The following PTGIS variants were observed in gnomAD, a reference collection of about 807,000 sequenced individuals.
PTGIS encodes the protein prostaglandin I2 synthase, also known as prostacyclin synthase.
In PTGIS, 45 loss-of-function variants were observed where a neutral mutation model predicts 50.3. That is an observed-to-expected ratio of 0.90 (90% confidence interval 0.70 to 1.15). The LOEUF is 1.15. PTGIS is among the 50% of genes most tolerant of loss of function. The pLI, the probability that PTGIS is intolerant of heterozygous loss-of-function variation, is 0.00. For missense variants in PTGIS, 668 were observed against 661.3 expected, an observed-to-expected ratio of 1.01 and a Z score of -0.11; for synonymous variants, 260 against 267.7, an observed-to-expected ratio of 0.97 and a Z score of 0.28.
At chr20:49,511,697 G>A (rs1044600001) in intron 8 of PTGIS, among the ~76,000 whole-genome samples, 1 of 152,176 alleles carries the variant, frequency 6.6e-6, no homozygotes. Context: ...TGGTTACACT[G>A]CACAGTGGTA....
rs142630745 is a variant in PTGIS at position 49,550,187 on chromosome 20, C to T, written c.77G>A (p.Arg26Gln). ...CAGGTCCAGGGGAGGCTCACCAGGT[C>T]GCCTACAGAAGCCATGGCACTTGTC... The part of the protein sequence containing the change: ...LLLLSRRRTR[R>Q]PGEPPLDLGS... Residue 26 changes from arginine to glutamine, a missense_variant and splice_region_variant, in exon 2 of 10, where the codon CGA becomes CAA. By Grantham distance (43) the Arg-to-Gln change is conservative. Coordinates refer to ENST00000244043, the MANE Select transcript of PTGIS (RefSeq NM_000961.4). 6.0e-5 allele frequency: 97 copies of T among 1,612,584 alleles called. No individual in the cohort carries two copies. Among genetic ancestry groups the T allele is most frequent in the Non-Finnish European group, 5.8e-5 (68 of 1,180,000 alleles).
intron 5 of PTGIS, among the ~76,000 whole-genome samples, chr20:49,530,008 G>T (rs1238169623): frequency 6.6e-6 from 1 of 152,058 alleles, no homozygotes; most frequent in Non-Finnish European, 1.5e-5. Flanking sequence ...TACAAAATTA[G>T]CTGGGTGTGG....
Position 49,539,651 on chromosome 20 carries a change from C to CG in PTGIS, c.591dup (p.Val198ArgfsTer5). 6.2e-7 allele frequency: 1 copy of CG among 1,613,916 alleles called. No homozygotes were observed. The highest frequency in any genetic ancestry group is 8.5e-7 in the Non-Finnish European group (1 of 1,179,970). On this transcript the variant is annotated frameshift_variant, in exon 5 of 10. Transcript: ENST00000244043. LOFTEE classifies it high-confidence loss of function. ...GTGTGGAAGACATCAGCTGAGTGGACGCGGTCCTGGGCCTGGCTTTCATGG... is the reference window on the plus strand; with the variant it reads ...GTGTGGAAGACATCAGCTGAGTGGACGGCGGTCCTGGGCCTGGCTTTCATGG...
intron 5 of PTGIS, among the ~76,000 whole-genome samples, chr20:49,536,533 T>C (rs1180229106): frequency 1.4e-5 from 2 of 143,438 alleles, no homozygotes; most frequent in East Asian, 4.1e-4. Context: ...CAGGCTGGAG[T>C]GCAGTGGCAC....
intron 8 of PTGIS, among the ~76,000 whole-genome samples, chr20:49,512,085 TTGAA>T (rs1284404215): frequency 6.9e-6 from 1 of 144,904 alleles, no homozygotes. Context: ...GAGTAGATGA[TTGAA>T]TGGACAGACG....
chr20:49,514,298 C>G lies in PTGIS; in HGVS notation c.953G>C (p.Trp318Ser). The G allele has an allele frequency of 1.2e-6, 2 of 1,614,132 alleles. No individual in the cohort carries two copies. The highest frequency in any genetic ancestry group is 1.7e-6 in the Non-Finnish European group (2 of 1,180,042). ...AVRGELESIL[W>S]QAEQPVSQTT... ...CTGCGAGACAGGCTGCTCCGCTTGC[C>G]AAAGGATACTCTCGAGCTCTCCGCG... The change falls in exon 7 of 10, where the codon TGG (tryptophan) becomes TCG (serine). Residue 318 changes from tryptophan to serine, a missense_variant. Transcript: ENST00000244043.
Position 49,557,832 on chromosome 20 carries a change from A to T in PTGIS, c.75-7643T>A, listed in dbSNP as rs888705554. ...GCATGAGAGAAATACATCATTGACTATCGCCCTACCCGTTCCTTTTCTCTT... is the reference window on the plus strand; with the variant it reads ...GCATGAGAGAAATACATCATTGACTTTCGCCCTACCCGTTCCTTTTCTCTT... On this transcript the variant is annotated intron_variant, in intron 1 of 9. Transcript: ENST00000244043. Among the ~76,000 whole-genome samples, 5 of 152,268 alleles carry T rather than the reference A, an allele frequency of 3.3e-5. No homozygotes were observed. In the East Asian group the frequency reaches 9.7e-4, roughly 29 times the overall value.
At chr20:49,559,907 G>A (rs1281185652) in intron 1 of PTGIS, among the ~76,000 whole-genome samples, 2 of 149,604 alleles carry the variant, frequency 1.3e-5, no homozygotes, top group African/African-American at 5.0e-5. Context: ...GGATATACTA[G>A]AAACTATTGA....
chr20:49,541,263 A>G (rs140880884), intron 4 of PTGIS, among the ~76,000 whole-genome samples: 6 of 151,586 alleles, frequency 4.0e-5, no homozygotes, highest in Non-Finnish European at 8.8e-5. Flanking sequence ...CCTTTTAGAC[A>G]GACACGTGCT....
In PTGIS at chr20:49,505,234, GGATGAA is replaced by G. The variant is rs1981117591; in HGVS notation, c.*2680_*2685del. On this transcript the variant is annotated 3_prime_UTR_variant, in exon 10 of 10. Transcript: ENST00000244043. ...CCAGTAATTTTGATTCTTAAGCAAGGGATGAAGAAATACAATGGCATCCAGGTAACT... is the reference window on the plus strand; with the variant it reads ...CCAGTAATTTTGATTCTTAAGCAAGGGAAATACAATGGCATCCAGGTAACT... 1 of 152,100 alleles carries G rather than the reference GGATGAA, an allele frequency of 6.6e-6. No homozygotes were observed. The highest frequency in any genetic ancestry group is 2.4e-5 in the African/African-American group (1 of 41,380). The allele number at this position is 152,100 out of a possible 1,614,324, so 9.4% of individuals were successfully genotyped here. A position where few individuals can be genotyped will look rare whatever the true frequency, so the allele number is the denominator to read the frequency against.
At chr20:49,522,596 G>A (rs1347691375) in intron 6 of PTGIS, among the ~76,000 whole-genome samples, 1 of 152,026 alleles carries the variant, frequency 6.6e-6, no homozygotes, top group African/African-American at 2.4e-5. Flanking sequence ...CTGACTAGCT[G>A]GGACTACAGG....
At chr20:49,559,145 T>A (rs1275567356) in intron 1 of PTGIS, among the ~76,000 whole-genome samples, 1 of 152,206 alleles carries the variant, frequency 6.6e-6, no homozygotes, top group Non-Finnish European at 1.5e-5. Context: ...TGTCCCGATA[T>A]TTTATGAACA....
intron 9 of PTGIS, among the ~76,000 whole-genome samples, chr20:49,509,888 T>C (rs1351500421): frequency 1.7e-5 from 2 of 120,232 alleles, no homozygotes; most frequent in African/African-American, 6.6e-5. Flanking sequence ...TTTCTTTTTT[T>C]TTTTTTTTTT....
intron 8 of PTGIS, among the ~76,000 whole-genome samples, chr20:49,511,706 T>C (rs1024826150): frequency 6.6e-6 from 1 of 152,202 alleles, no homozygotes; most frequent in African/African-American, 2.4e-5. Context: ...TGCACAGTGG[T>C]AAGGCAAGGG....
intron 4 of PTGIS, among the ~76,000 whole-genome samples, chr20:49,542,408 C>T (rs1982254102): frequency 6.6e-6 from 1 of 152,226 alleles, no homozygotes; most frequent in Admixed American, 6.5e-5. Flanking sequence ...CCAGCCCAGG[C>T]CTCAGGCCCT....
intron 1 of PTGIS, among the ~76,000 whole-genome samples, chr20:49,552,424 A>G (rs1293193942): frequency 1.3e-5 from 2 of 152,178 alleles, no homozygotes; most frequent in Non-Finnish European, 2.9e-5. Flanking sequence ...ATAAAATCCT[A>G]CAGAAGATTT....
intron 6 of PTGIS, among the ~76,000 whole-genome samples, chr20:49,523,706 G>A (rs1003390749): frequency 1.3e-5 from 2 of 152,092 alleles, no homozygotes; most frequent in Admixed American, 1.3e-4. Flanking sequence ...TTGAACCTGG[G>A]AGGCGGAGGT....
rs1193062496 is a variant in PTGIS at position 49,505,567 on chromosome 20, A to AG, written c.*2352dup. 1 of 152,556 alleles carries AG rather than the reference A, an allele frequency of 6.6e-6. No individual in the cohort carries two copies. The highest frequency in any genetic ancestry group is 6.5e-5 in the Admixed American group (1 of 15,272). The allele number at this position is 152,556 out of a possible 1,614,324, so 9.5% of individuals were successfully genotyped here. Reference sequence around the variant, plus strand: ...CAGTGACAACCCAGCCTGATTTGGAAGGGGGGAGTCATAAGGGTTTTCGCC... The same window carrying AG: ...CAGTGACAACCCAGCCTGATTTGGAAGGGGGGGAGTCATAAGGGTTTTCGCC... On this transcript the variant is annotated 3_prime_UTR_variant, in exon 10 of 10. Transcript: ENST00000244043.
intron 2 of PTGIS, 97 bp downstream of exon 2, chr20:49,549,969 G>C (rs1982463048): frequency 9.4e-6 from 15 of 1,588,328 alleles, no homozygotes; most frequent in Non-Finnish European, 1.1e-5. Flanking sequence ...GGGGTGGGGG[G>C]GTTGGCATAG....
Sources: gnomAD v4.1 joint callset for allele counts (sites outside exome capture counted in the v4.1 genomes callset) on GRCh38, gnomAD v4.1.1 for gene constraint, MANE v1.5 for transcripts, NCBI Gene and HGNC (gene_info 2026-07-23, HGNC 2026-07-21) for gene names.